Variants in NSMAF observed in about 807,000 individuals in gnomAD.
NSMAF encodes protein FAN.
Under a neutral mutation model 134.9 loss-of-function variants are expected in NSMAF, and 90 were observed. The ratio of observed to expected loss-of-function variants is 0.67; its 90% CI spans 0.56 to 0.79. The LOEUF (loss-of-function observed/expected upper bound fraction) is 0.79, where lower values mean the gene tolerates loss of function less well. Among genes scored for constraint, NSMAF ranks in the 30% least tolerant of loss-of-function variants. The pLI is 0.00. For synonymous variants in NSMAF, 358 were observed against 389.6 expected, an observed-to-expected ratio of 0.92 and a Z score of 0.96; for missense variants, 1,010 against 1,119.0, an observed-to-expected ratio of 0.90 and a Z score of 1.39.
intron 12 of NSMAF, among the ~76,000 whole-genome samples, chr8:58,604,833 T>C (rs979631676): frequency 6.6e-6 from 1 of 152,110 alleles, no homozygotes; most frequent in African/African-American, 2.4e-5. Flanking sequence ...AGCCTTGACC[T>C]CCCAGGCTCA....
chr8:58,606,155 T>A, intron 11 of NSMAF, 120 bp from the exon 12 acceptor site: 1 of 853,738 alleles, frequency 1.2e-6, no homozygotes, highest in Non-Finnish European at 1.7e-6. Context: ...TTATAACTTA[T>A]ATTCCTATTT....
At chr8:58,648,374 G>T (rs143006088) in intron 1 of NSMAF, among the ~76,000 whole-genome samples, 1 of 152,216 alleles carries the variant, frequency 6.6e-6, no homozygotes, top group Admixed American at 6.5e-5. Context: ...TGGGAAATTT[G>T]TAGCCCGGCC....
rs185238407 is a variant in NSMAF at position 58,613,287 on chromosome 8, G to T, written c.558-3554C>A. Among the ~76,000 whole-genome samples, 543 of 152,208 alleles carry T rather than the reference G, an allele frequency of 3.6e-3. 5 individuals carry two copies. Among genetic ancestry groups the T allele is most frequent in the African/African-American group, 0.012 (516 of 41,506 alleles). On this transcript the variant is annotated intron_variant, in intron 9 of 30. Coordinates refer to ENST00000038176, the MANE Select transcript of NSMAF (RefSeq NM_003580.4). ...AGAATACTGTATTGTGGGTTTTATG[G>T]ATTATGCATAAATTAGCCACAAGAT... is the stretch of plus-strand genomic sequence containing the variant.
At chr8:58,659,523 C>T in intron 1 of NSMAF, 50 bp downstream of exon 1, 1 of 1,518,948 alleles carries the variant, frequency 6.6e-7, no homozygotes, top group Non-Finnish European at 8.8e-7. Context: ...GTCCCCACGA[C>T]CGGCCCCGAC....
intron 16 of NSMAF, 109 bp from the exon 17 acceptor site, chr8:58,600,130 T>C (rs1760447985): frequency 1.3e-6 from 1 of 778,536 alleles, no homozygotes; most frequent in African/African-American, 1.7e-5. Context: ...AACTTCTGTT[T>C]GTCATTTCCA....
rs1806241515 is a variant in NSMAF at position 58,600,005 on chromosome 8, T to C, written c.1297A>G (p.Lys433Glu). Residue 433 changes from lysine to glutamate, a missense_variant, in exon 17 of 31, where the codon AAA becomes GAA. Lys to Glu is a moderately conservative substitution (Grantham distance 56). Transcript: ENST00000038176. ...RMFNSIAETW[K>E]NCLDGATDFK... ...TCCGTTGCACCATCCAGACAGTTTT[T>C]CCAAGTTTCTGCAATACTACATATG... 4 of 1,613,856 alleles carry C rather than the reference T, an allele frequency of 2.5e-6. No homozygotes were observed. The highest frequency in any genetic ancestry group is 3.4e-6 in the Non-Finnish European group (4 of 1,179,862).
intron 12 of NSMAF, 34 bp downstream of exon 12, chr8:58,605,893 A>G (rs77608120): frequency 0.039 from 59,778 of 1,515,436 alleles, 4,574 homozygotes; most frequent in African/African-American, 0.34. Flanking sequence ...AAAAAAAAAA[A>G]AAAGAAAGAA....
At chr8:58,642,959 C>T in intron 2 of NSMAF, 25 bp downstream of exon 2, 2 of 1,538,100 alleles carry the variant, frequency 1.3e-6, no homozygotes, top group African/African-American at 1.4e-5. Context: ...TTTGTTTGTC[C>T]AAGGAGATAC....
rs140433357 is a variant in NSMAF at position 58,597,691 on chromosome 8, C to A, written c.1629-141G>T. 8.8e-4 allele frequency: 821 copies of A among 933,650 alleles called. 2 individuals carry two copies. In the African/African-American group the frequency reaches 0.012, roughly 14 times the overall value. 57.8% of individuals were successfully genotyped at this position (933,650 alleles called of 1,614,324 possible). On this transcript the variant is annotated intron_variant, in intron 20 of 30. Transcript: ENST00000038176. Reference sequence around the variant, plus strand: ...CTATGTACCAGGATTGTCTAAACCTCATTATAGACCTTCAGAATATTTTCT... The same window carrying A: ...CTATGTACCAGGATTGTCTAAACCTAATTATAGACCTTCAGAATATTTTCT...
chr8:58,619,800 T>C (rs1200348762), intron 9 of NSMAF, among the ~76,000 whole-genome samples: 1 of 152,142 alleles, frequency 6.6e-6, no homozygotes, highest in East Asian at 1.9e-4. Flanking sequence ...GAGAAGACTA[T>C]AGATTCACTG....
At chr8:58,606,177 A>G (rs1806408080) in intron 11 of NSMAF, 142 bp from the exon 12 acceptor site, 3 of 698,018 alleles carry the variant, frequency 4.3e-6, no homozygotes, top group African/African-American at 3.7e-5. Context: ...CAATCTATAA[A>G]TTTAACTCAG....
intron 2 of NSMAF, among the ~76,000 whole-genome samples, 165 bp downstream of exon 2, chr8:58,642,819 C>T (rs1807366148): frequency 6.6e-6 from 1 of 152,166 alleles, no homozygotes; most frequent in African/African-American, 2.4e-5. Flanking sequence ...CCAAAAGACT[C>T]TCCTAGGTTA....
At chr8:58,636,358 T>C (rs1245497378) in intron 2 of NSMAF, among the ~76,000 whole-genome samples, 1 of 152,206 alleles carries the variant, frequency 6.6e-6, no homozygotes, top group Non-Finnish European at 1.5e-5. Flanking sequence ...TGACCAATCA[T>C]TAACACACTC....
intron 28 of NSMAF, 24 bp from the exon 29 acceptor site, chr8:58,586,024 A>G: frequency 6.5e-7 from 1 of 1,547,986 alleles, no homozygotes; most frequent in Non-Finnish European, 8.9e-7. Context: ...TGAGACTCAG[A>G]TATGAGTGAC....
At chr8:58,619,378 T>G (rs1806732715) in intron 9 of NSMAF, among the ~76,000 whole-genome samples, 1 of 152,160 alleles carries the variant, frequency 6.6e-6, no homozygotes, top group Non-Finnish European at 1.5e-5. Context: ...AAACATAAGC[T>G]TCTAGCAAAA....
At chr8:58,631,210 C>T (rs1807049754) in intron 6 of NSMAF, among the ~76,000 whole-genome samples, 1 of 151,488 alleles carries the variant, frequency 6.6e-6, no homozygotes, top group Admixed American at 6.6e-5. Context: ...TCAGTAACAC[C>T]CAGTAAATAA....
intron 1 of NSMAF, among the ~76,000 whole-genome samples, chr8:58,643,483 T>A (rs1303049329): frequency 6.6e-6 from 1 of 151,350 alleles, no homozygotes; most frequent in African/African-American, 2.4e-5. Flanking sequence ...AACATCTGCC[T>A]CATGGTTATC....
At chr8:58,587,534 A>G (rs1805913110) in intron 27 of NSMAF, 84 bp downstream of exon 27, 4 of 1,087,724 alleles carry the variant, frequency 3.7e-6, no homozygotes, top group Non-Finnish European at 5.5e-6. Flanking sequence ...GCAAAACAAC[A>G]TGAACAAAAC....
rs1338131521 is a variant in NSMAF, at chr8:58,623,828, C to A, written c.385-48G>T. 4.2e-6 allele frequency: 6 copies of A among 1,439,062 alleles called. No individual in the cohort carries two copies. The South Asian group carries it at 4.6e-5, about 11-fold the overall frequency. 89.1% of individuals were successfully genotyped at this position (1,439,062 alleles called of 1,614,324 possible). A position where few individuals can be genotyped will look rare whatever the true frequency, so the allele number is the denominator to read the frequency against. ...AAAATACAGGAAGAGAAGAAGTGTG[C>A]CAAACTATGCTACTTTAAGAACATG... On this transcript the variant is annotated intron_variant, in intron 6 of 30. Coordinates refer to ENST00000038176, the MANE Select transcript of NSMAF (RefSeq NM_003580.4).
Sources: gnomAD v4.1 joint callset for allele counts (sites outside exome capture counted in the v4.1 genomes callset) on GRCh38, gnomAD v4.1.1 for gene constraint, MANE v1.5 for transcripts, NCBI Gene and HGNC (gene_info 2026-07-23, HGNC 2026-07-21) for gene names.